TBC1D5: variants seen among roughly 807,000 people sequenced by gnomAD.
TBC1D5 encodes TBC1 domain family member 5, also known as TBC1 domain family, member 5.
TBC1D5 carries 75 observed loss-of-function variants against 100.3 expected under a neutral mutation model. The ratio of observed to expected loss-of-function variants is 0.75; its 90% CI spans 0.62 to 0.91. The LOEUF (loss-of-function observed/expected upper bound fraction) is 0.91. TBC1D5 is among the 40% of genes least tolerant of loss of function. TBC1D5 has a pLI of 0.00. For missense variants in TBC1D5, 910 were observed against 942.4 expected (o/e 0.97, Z 0.45); for synonymous variants, 323 against 325.6 (o/e 0.99, Z 0.09).
intron 15 of TBC1D5, among the ~76,000 whole-genome samples, chr3:17,262,733 G>A (rs1163679291): frequency 2.0e-5 from 3 of 151,748 alleles, no homozygotes; most frequent in Admixed American, 6.6e-5. Context: ...CACCCATCTC[G>A]GCCTCCCAAA....
At chr3:17,707,259 T>C (rs2074275563) in intron 1 of TBC1D5, among the ~76,000 whole-genome samples, 1 of 152,076 alleles carries the variant, frequency 6.6e-6, no homozygotes, top group Non-Finnish European at 1.5e-5. Context: ...TTAATTTATC[T>C]CATTTATAAA....
intron 16 of TBC1D5, among the ~76,000 whole-genome samples, chr3:17,256,888 AG>A (rs1236075322): frequency 6.6e-6 from 1 of 152,190 alleles, no homozygotes; most frequent in Admixed American, 6.5e-5. Context: ...TAAATCATGA[AG>A]AGGCATGGGA....
At chr3:17,166,890 C>G (rs1202137161) in exon 21 of TBC1D5, 2 of 1,613,488 alleles carry the variant, frequency 1.2e-6, no homozygotes, top group Non-Finnish European at 1.7e-6. Flanking sequence ...CTAGCTGGCT[C>G]TGGTTAAAAC....
At chr3:17,706,158 G>T (rs1049708592) in intron 1 of TBC1D5, 4 of 1,583,172 alleles carry the variant, frequency 2.5e-6, no homozygotes, top group South Asian at 2.3e-5. Flanking sequence ...GTTGATGGGG[G>T]AGACATCGGC....
At chr3:17,162,443 G>A (rs1056918187) in intron 21 of TBC1D5, among the ~76,000 whole-genome samples, 2 of 152,180 alleles carry the variant, frequency 1.3e-5, no homozygotes, top group Non-Finnish European at 2.9e-5. Flanking sequence ...GGGGGCAAGT[G>A]GCTAAATAAT....
chr3:17,186,382 C>T (rs1009324486), intron 18 of TBC1D5, among the ~76,000 whole-genome samples: 1 of 151,998 alleles, frequency 6.6e-6, no homozygotes, highest in East Asian at 1.9e-4. Flanking sequence ...AGAACTAGCC[C>T]GTAGGAATAG....
intron 8 of TBC1D5, among the ~76,000 whole-genome samples, chr3:17,402,775 G>A (rs2093678993): frequency 6.6e-6 from 1 of 152,052 alleles, no homozygotes; most frequent in South Asian, 2.1e-4. Flanking sequence ...GAGAAGTGAG[G>A]ATAAGAATAA....
intron 2 of TBC1D5, among the ~76,000 whole-genome samples, chr3:17,577,081 A>G (rs1192869886): frequency 6.6e-6 from 1 of 151,998 alleles, no homozygotes; most frequent in Non-Finnish European, 1.5e-5. Flanking sequence ...TAAAGTCAAG[A>G]GTAAAAGGCT....
chr3:17,341,252 A>G (rs2088857936), intron 13 of TBC1D5, among the ~76,000 whole-genome samples: 1 of 151,930 alleles, frequency 6.6e-6, no homozygotes, highest in Admixed American at 6.6e-5. Flanking sequence ...GCTGGAGTGC[A>G]GTGGCATGAT....
At chr3:17,169,388 T>C (rs557108327) in intron 19 of TBC1D5, among the ~76,000 whole-genome samples, 5 of 152,354 alleles carry the variant, frequency 3.3e-5, no homozygotes, top group African/African-American at 1.2e-4. Flanking sequence ...TTCCAAAAAG[T>C]ATTTCCAGTA....
At chr3:17,462,430 TCTC>T (rs2095231186) in intron 3 of TBC1D5, among the ~76,000 whole-genome samples, 1 of 151,040 alleles carries the variant, frequency 6.6e-6, no homozygotes, top group South Asian at 2.1e-4. Flanking sequence ...CAAGAGATCC[TCTC>T]CTATCTCAGC....
intron 3 of TBC1D5, among the ~76,000 whole-genome samples, chr3:17,444,386 T>A (rs2094735002): frequency 6.6e-6 from 1 of 152,098 alleles, no homozygotes; most frequent in Admixed American, 6.5e-5. Context: ...TATTATATTA[T>A]TTCATTGTAT....
rs566607443 is a variant in TBC1D5, at chr3:17,534,160, T to C, written c.-35-25555A>G. Among the ~76,000 whole-genome samples, 255 of 152,244 alleles carry C rather than the reference T, an allele frequency of 1.7e-3. 2 individuals carry two copies. Among genetic ancestry groups the C allele is most frequent in the African/African-American group, 5.9e-3 (246 of 41,558 alleles). On this transcript the variant is annotated intron_variant, in intron 2 of 21. Transcript: ENST00000253692. Reference sequence around the variant, plus strand: ...GGCCCCTGTTCCAGAATTAGTACAGTTATACAGAATAACATCACTTTCATT... The same window carrying C: ...GGCCCCTGTTCCAGAATTAGTACAGCTATACAGAATAACATCACTTTCATT...
At chr3:17,651,358 C>T (rs1373639303) in intron 1 of TBC1D5, among the ~76,000 whole-genome samples, 1 of 152,180 alleles carries the variant, frequency 6.6e-6, no homozygotes, top group African/African-American at 2.4e-5. Context: ...ATCATTCTTT[C>T]GATGTATCTA....
chr3:17,226,796 T>C (rs1241276973), intron 17 of TBC1D5, among the ~76,000 whole-genome samples: 1 of 152,198 alleles, frequency 6.6e-6, no homozygotes, highest in Non-Finnish European at 1.5e-5. Context: ...CACAGTTTGG[T>C]CTTCAGAATT....
intron 15 of TBC1D5, among the ~76,000 whole-genome samples, chr3:17,266,193 T>A (rs1261277976): frequency 6.6e-6 from 1 of 152,198 alleles, no homozygotes; most frequent in East Asian, 1.9e-4. Context: ...CACAAAGGTC[T>A]CACCATTTCT....
intron 2 of TBC1D5, among the ~76,000 whole-genome samples, chr3:17,599,289 T>C (rs766118874): frequency 5.9e-5 from 9 of 151,822 alleles, no homozygotes; most frequent in Admixed American, 2.0e-4. Flanking sequence ...CACACACCCA[T>C]CATGTACCCA....
intron 16 of TBC1D5, among the ~76,000 whole-genome samples, chr3:17,256,957 A>G (rs2077755952): frequency 6.6e-6 from 1 of 152,156 alleles, no homozygotes; most frequent in Admixed American, 6.5e-5. Flanking sequence ...ACAGGCCCTA[A>G]GCAAGGGCAA....
At chr3:17,655,033 T>TA (rs1423513470) in intron 1 of TBC1D5, among the ~76,000 whole-genome samples, 1 of 151,738 alleles carries the variant, frequency 6.6e-6, no homozygotes, top group Non-Finnish European at 1.5e-5. Context: ...TTATTGCGTC[T>TA]ATTTGATTCT....
Sources: gnomAD v4.1 joint callset for allele counts (sites outside exome capture counted in the v4.1 genomes callset) on GRCh38, gnomAD v4.1.1 for gene constraint, MANE v1.5 for transcripts, NCBI Gene and HGNC (gene_info 2026-07-23, HGNC 2026-07-21) for gene names.